Variants in DOCK5 observed in about 807,000 individuals in gnomAD.
DOCK5 encodes the protein dedicator of cytokinesis 5.
DOCK5 carries 142 observed loss-of-function variants against 251.8 expected under a neutral mutation model. The ratio of observed to expected loss-of-function variants is 0.56; its 90% CI spans 0.49 to 0.65. The LOEUF is 0.65. DOCK5 is among the 30% of genes least tolerant of loss of function. The pLI is 0.00. For synonymous variants in DOCK5, 842 were observed against 835.5 expected (o/e 1.01, Z -0.13); for missense variants, 2,111 against 2,312.3 (o/e 0.91, Z 1.79).
intron 37 of DOCK5, chr8:25,375,725 T>C: frequency 2.0e-6 from 2 of 985,236 alleles, no homozygotes; most frequent in Non-Finnish European, 2.4e-6. Flanking sequence ...ACATATGAGT[T>C]AAAAATAGGA....
intron 1 of DOCK5, among the ~76,000 whole-genome samples, chr8:25,192,675 T>A (rs1022678574): frequency 6.6e-6 from 1 of 152,052 alleles, no homozygotes; most frequent in African/African-American, 2.4e-5. Flanking sequence ...CTGGCTAATT[T>A]TTGTTGTTGT....
chr8:25,406,636 A>AT lies in DOCK5; in HGVS notation c.5094-1338dup, dbSNP rs948086242. On this transcript the variant is annotated intron_variant, in intron 48 of 51. Transcript: ENST00000276440. ...GTTGCTGTGTAATTTTTATTTATGT[A>AT]TTTTTTTTTGAGACAGAGTCTCGTT... Among the ~76,000 whole-genome samples, 20 of 150,068 alleles carry AT rather than the reference A, an allele frequency of 1.3e-4. No homozygotes were observed. In the South Asian group the frequency reaches 1.5e-3, roughly 11 times the overall value.
chr8:25,373,485 A>G, intron 35 of DOCK5, 133 bp from the exon 36 acceptor site: 1 of 836,494 alleles, frequency 1.2e-6, no homozygotes, highest in Non-Finnish European at 1.9e-6. Context: ...TTATGGGGAT[A>G]TTTGTTAAAG....
At chr8:25,199,432 G>A (rs1014302486) in intron 1 of DOCK5, among the ~76,000 whole-genome samples, 7 of 134,486 alleles carry the variant, frequency 5.2e-5, no homozygotes, top group African/African-American at 1.7e-4. Flanking sequence ...TGCCCAGGCT[G>A]GAGTGCAGTG....
At chr8:25,283,444 T>C (rs929364211) in intron 5 of DOCK5, among the ~76,000 whole-genome samples, 3 of 152,098 alleles carry the variant, frequency 2.0e-5, no homozygotes, top group Admixed American at 6.6e-5. Flanking sequence ...CAAAAGTTGA[T>C]GTAAAAGCTG....
rs559224774 is a variant in DOCK5 at position 25,211,508 on chromosome 8, T to C, written c.43+26557T>C. Reference sequence around the variant, plus strand: ...TAAAGAAGGTTTACGATTTCTGAAATATAAAATGCTGTCTGTGGCCAGGCA... The same window carrying C: ...TAAAGAAGGTTTACGATTTCTGAAACATAAAATGCTGTCTGTGGCCAGGCA... On this transcript the variant is annotated intron_variant, in intron 1 of 51. Coordinates refer to ENST00000276440, the MANE Select transcript of DOCK5 (RefSeq NM_024940.8). 4.2e-5 allele frequency among the ~76,000 whole-genome samples: 3 copies of C among 71,568 alleles called. 1 individual carries two copies. The highest frequency in any genetic ancestry group is 9.5e-5 in the African/African-American group (3 of 31,594). 47.0% of individuals were successfully genotyped at this position (71,568 alleles called of 152,430 possible).
chr8:25,262,444 C>T (rs1803615658), intron 2 of DOCK5, among the ~76,000 whole-genome samples: 1 of 152,132 alleles, frequency 6.6e-6, no homozygotes. Context: ...CCCATGCCAC[C>T]CTGAGCACTT....
At chr8:25,308,348 G>A (rs750862928) in intron 11 of DOCK5, among the ~76,000 whole-genome samples, 1 of 152,032 alleles carries the variant, frequency 6.6e-6, no homozygotes, top group Admixed American at 6.6e-5. Context: ...ACAGGCATGC[G>A]ATCCCAGCCC....
chr8:25,349,673 C>T (rs1043475313), intron 26 of DOCK5, among the ~76,000 whole-genome samples: 1 of 152,118 alleles, frequency 6.6e-6, no homozygotes, highest in South Asian at 2.1e-4. Context: ...AATGGAAAAT[C>T]AAATATTATA....
At chr8:25,300,535 G>T in intron 8 of DOCK5, 41 bp from the exon 9 acceptor site, 2 of 1,554,454 alleles carry the variant, frequency 1.3e-6, no homozygotes, top group Non-Finnish European at 1.7e-6. Flanking sequence ...TCCAACCCCA[G>T]TTAGCCTCTC....
chr8:25,332,716 A>G (rs777527405), intron 20 of DOCK5, 24 bp downstream of exon 20: 3 of 1,550,958 alleles, frequency 1.9e-6, no homozygotes, highest in East Asian at 4.5e-5. Flanking sequence ...CATATTAACT[A>G]GTGTTTATTG....
intron 1 of DOCK5, among the ~76,000 whole-genome samples, chr8:25,214,845 A>G (rs1013782074): frequency 1.3e-5 from 2 of 152,198 alleles, no homozygotes; most frequent in African/African-American, 2.4e-5. Context: ...CGCTGAGGTC[A>G]TGGTACAGCA....
At chr8:25,378,828 T>G (rs1008994940) in intron 38 of DOCK5, among the ~76,000 whole-genome samples, 1 of 152,212 alleles carries the variant, frequency 6.6e-6, no homozygotes, top group African/African-American at 2.4e-5. Flanking sequence ...CAACATAGGT[T>G]CTTTCTATTT....
At chr8:25,411,002 C>T (rs1233223271) in intron 51 of DOCK5, among the ~76,000 whole-genome samples, 192 bp from the exon 52 acceptor site, 22 of 116,900 alleles carry the variant, frequency 1.9e-4, no homozygotes, top group Non-Finnish European at 2.5e-4. Flanking sequence ...CACGCACGCA[C>T]GCGTGTGTCT....
chr8:25,336,829 A>T (rs189052219), intron 22 of DOCK5, among the ~76,000 whole-genome samples: 35 of 152,306 alleles, frequency 2.3e-4, no homozygotes, highest in African/African-American at 8.4e-4. Context: ...TTTCTAGCAT[A>T]ACAGTTCCAT....
intron 31 of DOCK5, among the ~76,000 whole-genome samples, chr8:25,367,339 C>T (rs1800795878): frequency 6.6e-6 from 1 of 152,312 alleles, no homozygotes; most frequent in South Asian, 2.1e-4. Context: ...AGCACAGTTG[C>T]TCCACCTCCC....
chr8:25,262,822 A>ATT (rs11386810), intron 2 of DOCK5, among the ~76,000 whole-genome samples: 83 of 143,916 alleles, frequency 5.8e-4, no homozygotes, highest in African/African-American at 1.9e-3. Flanking sequence ...TATAGATACA[A>ATT]TTTTTTTTTT....
chr8:25,243,900 A>G (rs1180356989), intron 2 of DOCK5, 143 bp downstream of exon 2: 2 of 751,202 alleles, frequency 2.7e-6, no homozygotes, highest in Non-Finnish European at 2.2e-6. Context: ...CTTGGGTGAC[A>G]CAATTTTGAA....
rs777658253 is a variant in DOCK5, at chr8:25,389,074, CTG to C, written c.4132-13_4132-12del. 1 of 1,612,176 alleles carries C rather than the reference CTG, an allele frequency of 6.2e-7. No individual in the cohort carries two copies. The highest frequency in any genetic ancestry group is 1.1e-5 in the South Asian group (1 of 91,020). ...TCTTCCTATGTAATGACTTCCCTTT[CTG>C]TGTCTCACCTGCAGAATAAAATCTT... On this transcript the variant is annotated splice_polypyrimidine_tract_variant and intron_variant, in intron 40 of 51. Coordinates refer to ENST00000276440, the MANE Select transcript of DOCK5 (RefSeq NM_024940.8).
Sources: gnomAD v4.1 joint callset for allele counts (sites outside exome capture counted in the v4.1 genomes callset) on GRCh38, gnomAD v4.1.1 for gene constraint, MANE v1.5 for transcripts, NCBI Gene and HGNC (gene_info 2026-07-23, HGNC 2026-07-21) for gene names.